Variants in CASK observed in about 807,000 individuals in gnomAD.
CASK encodes the protein peripheral plasma membrane protein CASK.
In CASK, 4 loss-of-function variants were observed where a neutral mutation model predicts 82.9. That is an observed-to-expected ratio of 0.05 (90% confidence interval 0.02 to 0.11). The LOEUF (loss-of-function observed/expected upper bound fraction) is 0.11. Among genes scored for constraint, CASK ranks in the 10% least tolerant of loss-of-function variants. The pLI is 1.00. For missense variants in CASK, 358 were observed against 720.9 expected, an observed-to-expected ratio of 0.50 and a Z score of 5.76; for synonymous variants, 259 against 253.5, an observed-to-expected ratio of 1.02 and a Z score of -0.20.
At chrX:41,696,001 G>A in intron 5 of CASK, 2 of 1,209,157 alleles carry the variant, frequency 1.7e-6, no homozygotes, top group Non-Finnish European at 2.2e-6. Flanking sequence ...TGGACACTAG[G>A]TGTGATTCTG....
intron 2 of CASK, among the ~76,000 whole-genome samples, chrX:41,848,954 C>T (rs1429555749): frequency 8.9e-6 from 1 of 111,851 alleles, no homozygotes; most frequent in African/African-American, 3.2e-5. Context: ...TGGTCAATTT[C>T]CAGAGCCCTG....
intron 12 of CASK, among the ~76,000 whole-genome samples, chrX:41,601,966 G>A: frequency 8.9e-6 from 1 of 111,839 alleles, no homozygotes; most frequent in African/African-American, 3.2e-5. Flanking sequence ...AAAGGTGAGG[G>A]TTTATTTCTG....
intron 22 of CASK, among the ~76,000 whole-genome samples, chrX:41,539,356 A>T (rs780256155): frequency 1.8e-5 from 2 of 112,510 alleles, no homozygotes; most frequent in African/African-American, 6.4e-5. Flanking sequence ...TCAGAACTTG[A>T]TAAGGTTTGG....
chrX:41,645,440 C>T (rs1285803466), intron 8 of CASK, among the ~76,000 whole-genome samples: 1 of 111,137 alleles, frequency 9.0e-6, no homozygotes, highest in East Asian at 2.8e-4. Flanking sequence ...TTGTGTTTCA[C>T]CAGGAGATCA....
intron 16 of CASK, among the ~76,000 whole-genome samples, chrX:41,565,850 C>T (rs1243556357): frequency 1.8e-5 from 2 of 111,708 alleles, no homozygotes; most frequent in African/African-American, 3.3e-5. Flanking sequence ...AATACTGGAA[C>T]GTCGAATCCA....
chrX:41,515,845 A>G lies in CASK; in HGVS notation c.*4575T>C, dbSNP rs1177510432. ...CACTGGCGTGTTCTCTCAGTCACAC[A>G]CCAGAGAGAATGGAGCTAACACATA... is the stretch of plus-strand genomic sequence containing the variant. On this transcript the variant is annotated 3_prime_UTR_variant, in exon 27 of 27. Coordinates refer to ENST00000378163, the MANE Select transcript of CASK (RefSeq NM_001367721.1). 8.9e-6 allele frequency: 1 copy of G among 112,414 alleles called. No homozygotes were observed. Among genetic ancestry groups the G allele is most frequent in the African/African-American group, 3.2e-5 (1 of 30,927 alleles). 9.3% of individuals were successfully genotyped at this position (112,414 alleles called of 1,213,427 possible).
At chrX:41,585,510 C>G (rs745813331) in intron 14 of CASK, 3 of 112,134 alleles carry the variant, frequency 2.7e-5, no homozygotes, top group Non-Finnish European at 5.6e-5. Flanking sequence ...CTTTGGGAGG[C>G]TGAGGCGGGC....
intron 1 of CASK, among the ~76,000 whole-genome samples, chrX:41,869,953 A>C (rs1159858919): frequency 9.1e-6 from 1 of 109,858 alleles, no homozygotes; most frequent in Non-Finnish European, 1.9e-5. Flanking sequence ...GAAAAACAAA[A>C]AGGTGAAAAA....
intron 2 of CASK, among the ~76,000 whole-genome samples, chrX:41,789,365 G>A (rs2069672589): frequency 1.8e-5 from 2 of 111,840 alleles, no homozygotes; most frequent in African/African-American, 3.3e-5. Flanking sequence ...AGAGGGCAGT[G>A]TTAAGATTCT....
At chrX:41,647,964 T>C (rs901606214) in intron 8 of CASK, among the ~76,000 whole-genome samples, 1 of 111,748 alleles carries the variant, frequency 8.9e-6, no homozygotes, top group Non-Finnish European at 1.9e-5. Context: ...GTAGGCACCT[T>C]GAAAAAAGAA....
chrX:41,545,027 G>GTTTTTTTTT (rs57524862), intron 21 of CASK, among the ~76,000 whole-genome samples: 1 of 106,892 alleles, frequency 9.4e-6, no homozygotes. Flanking sequence ...TAGTACTGCT[G>GTTTTTTTTT]TTTTTTTTTT....
chrX:41,863,159 TATA>T (rs750916658), intron 1 of CASK, among the ~76,000 whole-genome samples: 2 of 112,360 alleles, frequency 1.8e-5, no homozygotes, highest in African/African-American at 6.5e-5. Flanking sequence ...TCATAGCTAA[TATA>T]ATATCAGCCT....
intron 14 of CASK, among the ~76,000 whole-genome samples, chrX:41,582,375 G>A (rs2065593052): frequency 1.8e-5 from 2 of 111,439 alleles, no homozygotes; most frequent in African/African-American, 3.3e-5. Context: ...GAGTGCAGTG[G>A]TGCGATCCCA....
At chrX:41,888,694 T>C (rs1200206540) in intron 1 of CASK, among the ~76,000 whole-genome samples, 2 of 74,265 alleles carry the variant, frequency 2.7e-5, no homozygotes, top group African/African-American at 8.3e-5. Context: ...AATATATGTA[T>C]ATATATACGT....
At chrX:41,884,077 TG>T (rs1005945012) in intron 1 of CASK, among the ~76,000 whole-genome samples, 7 of 112,010 alleles carry the variant, frequency 6.2e-5, no homozygotes, top group African/African-American at 1.3e-4. Flanking sequence ...TCAAGGATGC[TG>T]GGGCTTCCCT....
intron 1 of CASK, among the ~76,000 whole-genome samples, chrX:41,912,661 G>A (rs2072598162): frequency 9.3e-6 from 1 of 107,035 alleles, no homozygotes; most frequent in African/African-American, 3.4e-5. Flanking sequence ...CTTAGGCTGG[G>A]TGCAGTGGTT....
At chrX:41,767,821 C>A (rs755220202) in intron 3 of CASK, among the ~76,000 whole-genome samples, 11 of 111,188 alleles carry the variant, frequency 9.9e-5, no homozygotes, top group Non-Finnish European at 1.5e-4. Context: ...GGATGATATA[C>A]GCAGGAATGA....
At chrX:41,833,620 G>A (rs749535983) in intron 2 of CASK, among the ~76,000 whole-genome samples, 2 of 111,719 alleles carry the variant, frequency 1.8e-5, no homozygotes, top group Non-Finnish European at 1.9e-5. Context: ...ACTTAAAGGA[G>A]TGTTTTATGG....
chrX:41,900,792 C>T (rs2072363685), intron 1 of CASK, among the ~76,000 whole-genome samples: 1 of 88,369 alleles, frequency 1.1e-5, no homozygotes, highest in Non-Finnish European at 2.1e-5. Context: ...GTCAGCCAGG[C>T]TGGAGTGCAG....
Sources: allele counts gnomAD v4.1 joint callset (sites outside exome capture counted in the v4.1 genomes callset), GRCh38; gene constraint gnomAD v4.1.1; transcripts MANE v1.5; gene names NCBI Gene and HGNC (gene_info 2026-07-23, HGNC 2026-07-21).